Variants in BRINP1 observed in about 807,000 individuals in gnomAD.
BRINP1 encodes BMP/retinoic acid inducible neural specific 1, also known as BMP/retinoic acid-inducible neural-specific protein 1.
Under a neutral mutation model 72.9 loss-of-function variants are expected in BRINP1, and 17 were observed. The observed-to-expected ratio is 0.23, with a 90% confidence interval of 0.16 to 0.35. The LOEUF (loss-of-function observed/expected upper bound fraction) is 0.35, where lower values mean the gene tolerates loss of function less well. BRINP1 is among the 10% of genes least tolerant of loss of function. The pLI is 1.00. For missense variants in BRINP1, 850 were observed against 1,001.6 expected, an observed-to-expected ratio of 0.85 and a Z score of 2.04; for synonymous variants, 418 against 378.5, an observed-to-expected ratio of 1.10 and a Z score of -1.21.
At chr9:119,272,244 G>A (rs975349383) in intron 2 of BRINP1, among the ~76,000 whole-genome samples, 19 of 151,838 alleles carry the variant, frequency 1.3e-4, no homozygotes, top group South Asian at 6.3e-4. Flanking sequence ...CACCATGCCC[G>A]GCTAATTTTT....
At position 119,167,490 on chromosome 9, in the gene BRINP1, G is replaced by T. The variant is rs762688616; in HGVS notation, c.1880C>A (p.Thr627Asn). ...IYLRSRTRLP[T>N]LLRNETGQGP... is the part of the protein sequence containing the mutation. ...CTGGCCAGTCTCATTTCGCAGTAGG[G>T]TAGGTAGCCGAGTCCGACTACGTAG... Residue 627 changes from threonine (T) to asparagine (N), a missense_variant, in exon 8 of 8, where the codon ACC (threonine) becomes AAC (asparagine). By Grantham distance (65) the Thr-to-Asn change is moderately conservative. Coordinates refer to ENST00000265922, the MANE Select transcript of BRINP1 (RefSeq NM_014618.3). This position sits in a 1 kb window ranked among gnomAD's most constrained non-coding sequence, Gnocchi z 4.3. 1.2e-4 allele frequency: 192 copies of T among 1,614,012 alleles called. No homozygotes were observed. The highest frequency in any genetic ancestry group is 1.6e-4 in the Non-Finnish European group (184 of 1,180,020).
At chr9:119,277,672 G>C (rs1322377836) in intron 2 of BRINP1, among the ~76,000 whole-genome samples, 1 of 152,142 alleles carries the variant, frequency 6.6e-6, no homozygotes, top group East Asian at 1.9e-4. Context: ...GAATGCTGAG[G>C]GAAAAGGTGC....
intron 1 of BRINP1, among the ~76,000 whole-genome samples, chr9:119,343,861 G>C (rs1392260140): frequency 6.6e-6 from 1 of 152,116 alleles, no homozygotes; most frequent in Non-Finnish European, 1.5e-5. Flanking sequence ...AGACCTCCAC[G>C]TGTTTACATA....
At chr9:119,212,719 A>G (rs950397587) in intron 6 of BRINP1, among the ~76,000 whole-genome samples, 2 of 152,232 alleles carry the variant, frequency 1.3e-5, no homozygotes, top group Non-Finnish European at 2.9e-5. Flanking sequence ...CAGGTACTTG[A>G]GCACATATTA....
At chr9:119,250,613 A>T (rs1292883091) in intron 2 of BRINP1, among the ~76,000 whole-genome samples, 1 of 152,236 alleles carries the variant, frequency 6.6e-6, no homozygotes, top group Non-Finnish European at 1.5e-5. Flanking sequence ...ATTTTCTCAC[A>T]AGTTCCCAGA....
At chr9:119,216,740 G>A (rs1052930852) in intron 5 of BRINP1, among the ~76,000 whole-genome samples, 1 of 152,226 alleles carries the variant, frequency 6.6e-6, no homozygotes, top group Admixed American at 6.5e-5. Context: ...CCCTTCTGTA[G>A]GGGATAAAAT....
chr9:119,168,252 G>A lies in BRINP1; in HGVS notation c.1146-28C>T, dbSNP rs760156418. ...GGGAGATAAAGGAAAATTGGAGAAG[G>A]TTAGCTACCATGAGTGGGTCTGTGA... On this transcript the variant is annotated intron_variant, in intron 7 of 7. Coordinates refer to ENST00000265922, the MANE Select transcript of BRINP1 (RefSeq NM_014618.3). The A allele has an allele frequency of 2.7e-6, 4 of 1,475,164 alleles. No homozygotes were observed. In the African/African-American group the frequency reaches 5.6e-5, roughly 21 times the overall value. The allele number at this position is 1,475,164 out of a possible 1,614,324, so 91.4% of individuals were successfully genotyped here. A position where few individuals can be genotyped will look rare whatever the true frequency, so the allele number is the denominator to read the frequency against.
intron 7 of BRINP1, among the ~76,000 whole-genome samples, chr9:119,199,600 C>T (rs185112113): frequency 6.6e-6 from 1 of 152,186 alleles, no homozygotes; most frequent in Admixed American, 6.5e-5. Context: ...TCAGAAAATG[C>T]TAATAATTCT....
intron 2 of BRINP1, among the ~76,000 whole-genome samples, chr9:119,264,414 T>C (rs1830527903): frequency 1.3e-5 from 2 of 152,224 alleles, no homozygotes. Context: ...AAAGTGTGAG[T>C]TGGCTCATGC....
chr9:119,332,315 G>A (rs1831307579), intron 1 of BRINP1, among the ~76,000 whole-genome samples: 1 of 152,106 alleles, frequency 6.6e-6, no homozygotes, highest in Non-Finnish European at 1.5e-5. Context: ...AACACTTACT[G>A]TATGACAGAA....
At chr9:119,280,404 A>ATT (rs547288880) in intron 2 of BRINP1, among the ~76,000 whole-genome samples, 34,872 of 141,888 alleles carry the variant, frequency 0.25, 4,298 homozygotes, top group South Asian at 0.28. Context: ...ACACCCAGCT[A>ATT]TTTTTTTTTT....
chr9:119,251,635 G>A lies in BRINP1; in HGVS notation c.219-2485C>T, dbSNP rs74758689. Among the ~76,000 whole-genome samples, 957 of 151,818 alleles carry A rather than the reference G, an allele frequency of 6.3e-3. 12 individuals are homozygous for A. Among genetic ancestry groups the A allele is most frequent in the African/African-American group, 0.022 (917 of 41,370 alleles). ...CAACAAAAAAACTAACCATGGGGAGGAAAAGTCAGGAACAGTGAGCAGGGA... is the reference window on the plus strand; with the variant it reads ...CAACAAAAAAACTAACCATGGGGAGAAAAAGTCAGGAACAGTGAGCAGGGA... On this transcript the variant is annotated intron_variant, in intron 2 of 7. Transcript: ENST00000265922.
chr9:119,191,466 G>C (rs1829683621), intron 7 of BRINP1, among the ~76,000 whole-genome samples: 1 of 151,620 alleles, frequency 6.6e-6, no homozygotes, highest in African/African-American at 2.4e-5. Context: ...ATACAAGAAT[G>C]AGTAGCACTT....
chr9:119,308,226 T>C (rs541515244), intron 2 of BRINP1, among the ~76,000 whole-genome samples: 17 of 152,324 alleles, frequency 1.1e-4, no homozygotes, highest in Non-Finnish European at 2.2e-4. Context: ...GAGTTCTCTG[T>C]AACATACATT....
At chr9:119,169,394 TC>T (rs998190217) in intron 7 of BRINP1, among the ~76,000 whole-genome samples, 2 of 147,954 alleles carry the variant, frequency 1.4e-5, no homozygotes, top group Non-Finnish European at 1.5e-5. Context: ...ATCGGGTCAC[TC>T]CCCCACCGAA....
intron 1 of BRINP1, among the ~76,000 whole-genome samples, chr9:119,351,139 A>G (rs1831504635): frequency 6.6e-6 from 1 of 152,106 alleles, no homozygotes; most frequent in South Asian, 2.1e-4. Context: ...TCATCTATTC[A>G]TAAACACATT....
intron 4 of BRINP1, 121 bp downstream of exon 4, chr9:119,241,926 G>A: frequency 2.0e-6 from 2 of 1,003,740 alleles, no homozygotes; most frequent in Non-Finnish European, 3.0e-6. Context: ...CTGGCAGAGG[G>A]CATCACGAGC....
At chr9:119,356,829 T>C (rs1203051200) in intron 1 of BRINP1, among the ~76,000 whole-genome samples, 1 of 151,924 alleles carries the variant, frequency 6.6e-6, no homozygotes, top group Non-Finnish European at 1.5e-5. Context: ...CAAAAGTTTG[T>C]TTATGACAGA....
At chr9:119,274,059 G>T (rs1473691891) in intron 2 of BRINP1, among the ~76,000 whole-genome samples, 3 of 152,200 alleles carry the variant, frequency 2.0e-5, no homozygotes, top group Non-Finnish European at 4.4e-5. Context: ...ATTGTAGCAG[G>T]TTAGGAAGCT....
Sources: allele counts gnomAD v4.1 joint callset (sites outside exome capture counted in the v4.1 genomes callset), GRCh38; gene constraint gnomAD v4.1.1; non-coding constraint Gnocchi (gnomAD v3.1); transcripts MANE v1.5; gene names NCBI Gene and HGNC (gene_info 2026-07-23, HGNC 2026-07-21).